ENOPH1: variants seen among roughly 807,000 people sequenced by gnomAD.
ENOPH1 encodes enolase-phosphatase 1, also known as enolase-phosphatase E1.
A neutral mutation model predicts 31.1 loss-of-function variants in ENOPH1; 14 were observed. The observed-to-expected ratio is 0.45, with a 90% confidence interval of 0.30 to 0.70. ENOPH1 has a LOEUF of 0.70. Among genes scored for constraint, ENOPH1 ranks in the 30% least tolerant of loss-of-function variants. The pLI is 0.09. For missense variants in ENOPH1, 243 were observed against 321.5 expected (o/e 0.76, Z 1.87); for synonymous variants, 127 against 123.2 (o/e 1.03, Z -0.21).
chr4:82,459,855 A>C, intron 5 of ENOPH1, 126 bp from the exon 6 acceptor site: 2 of 974,946 alleles, frequency 2.1e-6, no homozygotes, highest in Non-Finnish European at 3.1e-6. Flanking sequence ...TTTTAGCTTC[A>C]ACAGTCATCA....
intron 1 of ENOPH1, among the ~76,000 whole-genome samples, chr4:82,446,369 C>A (rs1262627400): frequency 1.3e-5 from 2 of 151,616 alleles, no homozygotes; most frequent in African/African-American, 4.9e-5. Context: ...TTGCAGTGAG[C>A]CGAGATCTCA....
chr4:82,456,906 T>C lies in ENOPH1; in HGVS notation c.523-9T>C. 6.2e-7 allele frequency: 1 copy of C among 1,613,620 alleles called. No homozygotes were observed. Among genetic ancestry groups the C allele is most frequent in the Non-Finnish European group, 8.5e-7 (1 of 1,179,748 alleles). ...TGTATTGCCAGTCTTTCCCCTTCTC[T>C]TTGTTCAGCTTGTTGATGGTCACTT... On this transcript the variant is annotated splice_polypyrimidine_tract_variant and intron_variant, in intron 4 of 5. Transcript: ENST00000273920.
chr4:82,447,845 A>T lies in ENOPH1; in HGVS notation c.85-75A>T, dbSNP rs1722235061. On this transcript the variant is annotated intron_variant, in intron 1 of 5. Coordinates refer to ENST00000273920, the MANE Select transcript of ENOPH1 (RefSeq NM_021204.5). ...ATTTATTTGTTACAGTTATGTAGGT[A>T]AGATTGTGGAAGAACTGGATCTTTT... 3 of 815,288 alleles carry T rather than the reference A, an allele frequency of 3.7e-6. No homozygotes were observed. The Admixed American group carries it at 8.2e-5, about 22-fold the overall frequency. The allele number at this position is 815,288 out of a possible 1,614,324, so 50.5% of individuals were successfully genotyped here.
chr4:82,437,003 C>A (rs1721922880), intron 1 of ENOPH1, among the ~76,000 whole-genome samples: 1 of 152,006 alleles, frequency 6.6e-6, no homozygotes. Flanking sequence ...AATCCGAACA[C>A]TTTGGGAGGC....
chr4:82,460,229 G>A lies in ENOPH1; in HGVS notation c.*109G>A, dbSNP rs1722611585. The A allele has an allele frequency of 1.8e-6, 2 of 1,092,696 alleles. No homozygotes were observed. Among genetic ancestry groups the A allele is most frequent in the African/African-American group, 1.6e-5 (1 of 63,850 alleles). 67.7% of individuals were successfully genotyped at this position (1,092,696 alleles called of 1,614,324 possible). On this transcript the variant is annotated 3_prime_UTR_variant, in exon 6 of 6. Transcript: ENST00000273920. ...ACTTAAAAAACATATGTACACATATGTATGCAAGTATGTATATATGTGTAT... is the reference window on the plus strand; with the variant it reads ...ACTTAAAAAACATATGTACACATATATATGCAAGTATGTATATATGTGTAT...
chr4:82,449,565 A>G (rs1722292477), intron 2 of ENOPH1, among the ~76,000 whole-genome samples: 1 of 152,100 alleles, frequency 6.6e-6, no homozygotes, highest in African/African-American at 2.4e-5. Context: ...AGAACTCACT[A>G]TTGTGAGGAC....
chr4:82,440,262 C>G (rs1452646799), intron 1 of ENOPH1, among the ~76,000 whole-genome samples: 2 of 152,184 alleles, frequency 1.3e-5, no homozygotes, highest in African/African-American at 4.8e-5. Flanking sequence ...GAACCATAAT[C>G]TCTCATTTTC....
chr4:82,454,050 T>TA (rs34247093), intron 3 of ENOPH1, among the ~76,000 whole-genome samples: 8 of 134,868 alleles, frequency 5.9e-5, no homozygotes, highest in African/African-American at 8.3e-5. Context: ...TACAAAAAAT[T>TA]AAAAAAAAAA....
chr4:82,433,565 A>AT lies in ENOPH1; in HGVS notation c.84+2657dup, dbSNP rs549735185. On this transcript the variant is annotated intron_variant, in intron 1 of 5. Transcript: ENST00000273920. ...TGTTAGACATGAATTTATCAAAACC[A>AT]TTTTTCCTAAAAGTATGTTTAAAAG... 6.7e-3 allele frequency among the ~76,000 whole-genome samples: 1,027 copies of AT among 152,282 alleles called. 5 individuals carry two copies. The highest frequency in any genetic ancestry group is 0.017 in the Middle Eastern group (5 of 294).
chr4:82,431,508 C>T (rs1324423017), intron 1 of ENOPH1, among the ~76,000 whole-genome samples: 1 of 152,176 alleles, frequency 6.6e-6, no homozygotes, highest in Non-Finnish European at 1.5e-5. Flanking sequence ...AGCTATAGGA[C>T]ACGTCTAGAT....
chr4:82,432,903 C>G (rs1360849606), intron 1 of ENOPH1, among the ~76,000 whole-genome samples: 2 of 152,262 alleles, frequency 1.3e-5, no homozygotes, highest in African/African-American at 4.8e-5. Flanking sequence ...AGCCACCGCG[C>G]CTGACCTTCC....
At chr4:82,441,956 T>C (rs1333220256) in intron 1 of ENOPH1, among the ~76,000 whole-genome samples, 1 of 152,212 alleles carries the variant, frequency 6.6e-6, no homozygotes, top group African/African-American at 2.4e-5. Flanking sequence ...TAAGTGACTT[T>C]GAGCCAGGGA....
At chr4:82,437,544 C>T (rs896182267) in intron 1 of ENOPH1, among the ~76,000 whole-genome samples, 10 of 152,028 alleles carry the variant, frequency 6.6e-5, no homozygotes, top group African/African-American at 2.4e-4. Context: ...CACTCATTAA[C>T]TTAAAAAAAA....
At chr4:82,454,273 T>C (rs59517149) in intron 3 of ENOPH1, among the ~76,000 whole-genome samples, 3,490 of 152,294 alleles carry the variant, frequency 0.023, 138 homozygotes, top group African/African-American at 0.081. Context: ...GCCTTCAAAC[T>C]TTGTTTTGAT....
At position 82,457,010 on chromosome 4, in the gene ENOPH1, C is replaced by T; in HGVS notation, c.618C>T (p.Asn206=). Residue 206 remains asparagine, a synonymous_variant, in exon 5 of 6, where the codon AAC becomes AAT. Transcript: ENST00000273920. ...ACAGCATTGGGTGCTCAACCAACAA[C>T]ATTTTGTTTCTGACAGATGTTACTC... The part of the protein sequence containing the change: ...IADSIGCSTN[N]ILFLTDVTRE... The T allele has an allele frequency of 3.1e-6, 5 of 1,613,954 alleles. No homozygotes were observed. Among genetic ancestry groups the T allele is most frequent in the Non-Finnish European group, 4.2e-6 (5 of 1,179,950 alleles).
chr4:82,457,599 T>C (rs1022838545), intron 5 of ENOPH1, among the ~76,000 whole-genome samples: 1 of 152,112 alleles, frequency 6.6e-6, no homozygotes, highest in Non-Finnish European at 1.5e-5. Context: ...TTGTCCGTGA[T>C]TTCCCAGCCA....
In ENOPH1 at chr4:82,460,896, T is replaced by C. The variant is rs1365524360; in HGVS notation, c.*776T>C. Reference sequence around the variant, plus strand: ...TTAGCACAGTTTGAGAATACGTTAATTGCTATTTACTATTTAAAAAGTTTT... The same window carrying C: ...TTAGCACAGTTTGAGAATACGTTAACTGCTATTTACTATTTAAAAAGTTTT... On this transcript the variant is annotated 3_prime_UTR_variant, in exon 6 of 6. Transcript: ENST00000273920. The C allele has an allele frequency of 6.6e-6, 1 of 152,260 alleles. No individual in the cohort carries two copies. Among genetic ancestry groups the C allele is most frequent in the East Asian group, 1.9e-4 (1 of 5,206 alleles). 9.4% of individuals were successfully genotyped at this position (152,260 alleles called of 1,614,324 possible).
intron 1 of ENOPH1, among the ~76,000 whole-genome samples, chr4:82,432,206 G>C (rs1721789437): frequency 6.6e-6 from 1 of 152,100 alleles, no homozygotes; most frequent in African/African-American, 2.4e-5. Flanking sequence ...TGAGTTTCTT[G>C]ATGTAGGTTA....
chr4:82,448,937 A>C (rs965447898), intron 2 of ENOPH1, among the ~76,000 whole-genome samples: 13 of 150,958 alleles, frequency 8.6e-5, no homozygotes, highest in Non-Finnish European at 1.6e-4. Flanking sequence ...CGGCGCCTGT[A>C]GTCCCAGCTA....
Sources: gnomAD v4.1 joint callset for allele counts (sites outside exome capture counted in the v4.1 genomes callset) on GRCh38, gnomAD v4.1.1 for gene constraint, MANE v1.5 for transcripts, NCBI Gene and HGNC (gene_info 2026-07-23, HGNC 2026-07-21) for gene names.